MTUS2: variants seen among roughly 807,000 people sequenced by gnomAD.
MTUS2 encodes microtubule associated scaffold protein 2, also known as microtubule-associated tumor suppressor candidate 2.
In MTUS2, 40 loss-of-function variants were observed where a neutral mutation model predicts 114.1. The ratio of observed to expected loss-of-function variants is 0.35; its 90% confidence interval spans 0.27 to 0.46. The LOEUF is 0.46. MTUS2 is among the 20% of genes least tolerant of loss of function. The probability of loss-of-function intolerance (pLI) is 1.00; values close to 1 mark genes in which losing one functional copy is unlikely to be tolerated. For missense variants in MTUS2, 1,679 were observed against 1,705.4 expected, an observed-to-expected ratio of 0.98 and a Z score of 0.27; for synonymous variants, 688 against 672.0, an observed-to-expected ratio of 1.02 and a Z score of -0.37.
intron 9 of MTUS2, among the ~76,000 whole-genome samples, chr13:29,459,951 A>T (rs1394055912): frequency 6.6e-6 from 1 of 152,122 alleles, no homozygotes; most frequent in African/African-American, 2.4e-5. Flanking sequence ...GCTTCCTGGA[A>T]GACTCAAGTC....
chr13:28,850,600 A>T (rs1817916159), intron 2 of MTUS2, among the ~76,000 whole-genome samples: 2 of 152,224 alleles, frequency 1.3e-5, no homozygotes, highest in Admixed American at 6.5e-5. Context: ...GGTATGCTTA[A>T]CATTAAGGTG....
chr13:29,443,202 A>G (rs1878021579), intron 9 of MTUS2, among the ~76,000 whole-genome samples: 1 of 152,196 alleles, frequency 6.6e-6, no homozygotes, highest in Admixed American at 6.5e-5. Flanking sequence ...TGACTCTCAT[A>G]ACTATCCGGT....
chr13:29,074,953 A>G (rs1889117961), intron 4 of MTUS2, among the ~76,000 whole-genome samples: 1 of 152,186 alleles, frequency 6.6e-6, no homozygotes, highest in Non-Finnish European at 1.5e-5. Context: ...TCACTACAGT[A>G]ATTTGAGAAC....
intron 5 of MTUS2, among the ~76,000 whole-genome samples, chr13:29,134,882 G>A (rs1051782655): frequency 6.6e-6 from 1 of 152,026 alleles, no homozygotes; most frequent in African/African-American, 2.4e-5. Flanking sequence ...CACCGTACCC[G>A]GCCAACACTT....
intron 4 of MTUS2, among the ~76,000 whole-genome samples, chr13:29,096,604 G>C (rs1360292848): frequency 6.6e-6 from 1 of 152,146 alleles, no homozygotes; most frequent in East Asian, 1.9e-4. Flanking sequence ...TATTGTTTTT[G>C]AGATTGCCGT....
intron 5 of MTUS2, among the ~76,000 whole-genome samples, chr13:29,194,760 A>G (rs1010779353): frequency 6.6e-5 from 10 of 151,912 alleles, no homozygotes; most frequent in Admixed American, 6.6e-4. Flanking sequence ...TACCCAAAGG[A>G]CTATAAATCA....
upstream of MTUS2, among the ~76,000 whole-genome samples, chr13:28,820,095 G>C (rs1278810821): frequency 6.8e-6 from 1 of 146,886 alleles, no homozygotes; most frequent in Non-Finnish European, 1.5e-5. Flanking sequence ...CCGGCTGCGT[G>C]GCGCGCTGCG....
intron 5 of MTUS2, among the ~76,000 whole-genome samples, chr13:29,253,108 C>T (rs1231449123): frequency 2.0e-5 from 3 of 148,672 alleles, no homozygotes; most frequent in East Asian, 3.9e-4. Flanking sequence ...AGGGCCTCAT[C>T]CTGGGTTATT....
At chr13:29,265,184 A>G (rs1897623540) in intron 5 of MTUS2, among the ~76,000 whole-genome samples, 1 of 152,194 alleles carries the variant, frequency 6.6e-6, no homozygotes, top group African/African-American at 2.4e-5. Context: ...TCATCACTCC[A>G]AACTTCCACA....
chr13:28,935,467 T>C (rs2138107718), intron 2 of MTUS2, among the ~76,000 whole-genome samples: 1 of 152,300 alleles, frequency 6.6e-6, no homozygotes, highest in South Asian at 2.1e-4. Context: ...CAAAGCCTTT[T>C]TTTTTTCTCC....
Position 28,853,352 on chromosome 13 carries a change from A to G in MTUS2, c.-243+13502A>G, listed in dbSNP as rs546288568. On this transcript the variant is annotated intron_variant, in intron 2 of 15. Coordinates refer to ENST00000612955, the MANE Select transcript of MTUS2 (RefSeq NM_001033602.4). ...TGTTCTCCATGTTCCTACTGGTTAC[A>G]TATTCCTCTTCTCTAGAACGGCAGT... Among the ~76,000 whole-genome samples, 13 of 152,376 alleles carry G rather than the reference A, an allele frequency of 8.5e-5. No individual in the cohort carries two copies. The South Asian group carries it at 2.5e-3, about 29-fold the overall frequency.
intron 5 of MTUS2, among the ~76,000 whole-genome samples, chr13:29,117,832 C>G (rs934539985): frequency 2.6e-5 from 4 of 152,100 alleles, no homozygotes; most frequent in Non-Finnish European, 4.4e-5. Flanking sequence ...GCCCTGTCAG[C>G]CGTGAGGTGT....
intron 2 of MTUS2, among the ~76,000 whole-genome samples, chr13:28,864,516 G>T (rs9551551): frequency 0.18 from 26,769 of 152,172 alleles, 2,925 homozygotes; most frequent in African/African-American, 0.3. Flanking sequence ...ATAATTAACA[G>T]AAGTTAAAAC....
At chr13:28,931,502 A>C (rs1021701603) in intron 2 of MTUS2, among the ~76,000 whole-genome samples, 2 of 152,116 alleles carry the variant, frequency 1.3e-5, no homozygotes, top group Admixed American at 6.5e-5. Flanking sequence ...GCCACCCTGT[A>C]AGATGTGCCT....
At chr13:29,368,597 C>T (rs1279002837) in intron 8 of MTUS2, among the ~76,000 whole-genome samples, 1 of 152,082 alleles carries the variant, frequency 6.6e-6, no homozygotes, top group Non-Finnish European at 1.5e-5. Context: ...ATATCAGATA[C>T]ACCCCATACA....
At chr13:29,472,924 G>C (rs1239105084) in intron 9 of MTUS2, among the ~76,000 whole-genome samples, 1 of 152,172 alleles carries the variant, frequency 6.6e-6, no homozygotes, top group Non-Finnish European at 1.5e-5. Context: ...TCTTTGTGTA[G>C]TGACATTAAG....
chr13:29,304,034 A>G (rs12855804), intron 6 of MTUS2, among the ~76,000 whole-genome samples: 51,279 of 151,938 alleles, frequency 0.34, 8,978 homozygotes, highest in Admixed American at 0.45. Flanking sequence ...ATCTGGCCAA[A>G]CTAAGTTTCA....
chr13:29,385,375 T>G (rs1872564452), intron 8 of MTUS2, among the ~76,000 whole-genome samples: 1 of 152,204 alleles, frequency 6.6e-6, no homozygotes, highest in Admixed American at 6.5e-5. Flanking sequence ...GATGTCCTTG[T>G]GACCCAAATG....
At chr13:28,899,190 A>G (rs1437079546) in intron 2 of MTUS2, among the ~76,000 whole-genome samples, 1 of 152,242 alleles carries the variant, frequency 6.6e-6, no homozygotes, top group Non-Finnish European at 1.5e-5. Flanking sequence ...ATCTTGTAAA[A>G]CAATAGTAAA....
Sources: gnomAD v4.1 joint callset for allele counts (sites outside exome capture counted in the v4.1 genomes callset) on GRCh38, gnomAD v4.1.1 for gene constraint, MANE v1.5 for transcripts, NCBI Gene and HGNC (gene_info 2026-07-23, HGNC 2026-07-21) for gene names.